The following C8A variants were observed in gnomAD, a reference collection of about 807,000 sequenced individuals.
C8A encodes the protein complement C8 alpha chain.
Under a neutral mutation model 65.3 loss-of-function variants are expected in C8A, and 67 were observed. That is an observed-to-expected ratio of 1.03 (90% confidence interval 0.84 to 1.26). The LOEUF (loss-of-function observed/expected upper bound fraction) is 1.26, where lower values mean the gene tolerates loss of function less well. C8A is among the 50% of genes most tolerant of loss of function. The pLI, the probability that C8A is intolerant of heterozygous loss-of-function variation, is 0.00. For synonymous variants in C8A, 290 were observed against 259.4 expected, an observed-to-expected ratio of 1.12 and a Z score of -1.13; for missense variants, 781 against 723.9, an observed-to-expected ratio of 1.08 and a Z score of -0.90.
chr1:56,869,704 A>T (rs1056979167), intron 2 of C8A, among the ~76,000 whole-genome samples: 1 of 152,124 alleles, frequency 6.6e-6, no homozygotes, highest in Non-Finnish European at 1.5e-5. Context: ...AATTATGGCC[A>T]TTCTTTCAGG....
At chr1:56,899,364 C>T (rs192047313) in intron 7 of C8A, among the ~76,000 whole-genome samples, 50 of 152,296 alleles carry the variant, frequency 3.3e-4, no homozygotes, top group African/African-American at 1.2e-3. Context: ...TCTTTGGACA[C>T]AGGCCTTGGT....
At chr1:56,908,761 G>A (rs1644485606) in intron 9 of C8A, among the ~76,000 whole-genome samples, 1 of 152,126 alleles carries the variant, frequency 6.6e-6, no homozygotes, top group African/African-American at 2.4e-5. Flanking sequence ...AAAATCAAGT[G>A]AAAATATTTG....
intron 2 of C8A, among the ~76,000 whole-genome samples, chr1:56,869,885 C>A (rs1480305162): frequency 6.6e-6 from 1 of 152,178 alleles, no homozygotes; most frequent in Non-Finnish European, 1.5e-5. Flanking sequence ...TCCAGACCCA[C>A]CACTCAGTTA....
intron 1 of C8A, among the ~76,000 whole-genome samples, chr1:56,857,273 C>T (rs1643986008): frequency 6.7e-6 from 1 of 150,348 alleles, no homozygotes. Context: ...TCAGTTTTTG[C>T]TCCATGTATT....
In C8A at chr1:56,876,097, G is replaced by A. The variant is rs1189345349; in HGVS notation, c.352G>A (p.Asp118Asn). Residue 118 changes from aspartate to asparagine, a missense_variant, in exon 4 of 11, where the codon GAC becomes AAC. Transcript: ENST00000361249. The part of the protein sequence containing the change: ...CLKRHLVCNG[D>N]QDCLDGSDED... ...GAAACGCCACCTTGTGTGTAATGGA[G>A]ACCAGGACTGCCTTGATGGCTCTGA... 6.2e-7 allele frequency: 1 copy of A among 1,613,718 alleles called. No individual in the cohort carries two copies. Among genetic ancestry groups the A allele is most frequent in the East Asian group, 2.2e-5 (1 of 44,816 alleles).
intron 2 of C8A, among the ~76,000 whole-genome samples, chr1:56,874,190 C>G (rs1272809854): frequency 6.6e-6 from 1 of 152,074 alleles, no homozygotes; most frequent in African/African-American, 2.4e-5. Context: ...AAAGAAAATC[C>G]CCAGAGAGAA....
chr1:56,868,145 A>G (rs1399403500), intron 2 of C8A, among the ~76,000 whole-genome samples: 3 of 152,008 alleles, frequency 2.0e-5, no homozygotes, highest in Admixed American at 1.3e-4. Flanking sequence ...AACACACCCA[A>G]TGAAGAGAGG....
In C8A at chr1:56,867,197, A is replaced by G. The variant is rs115698647; in HGVS notation, c.78-412A>G. ...TTTTTAATGTAGTTTTATAGATGGGAAAGCTGTAGTTCAGAGATATTAAGT... is the reference window on the plus strand; with the variant it reads ...TTTTTAATGTAGTTTTATAGATGGGGAAGCTGTAGTTCAGAGATATTAAGT... On this transcript the variant is annotated intron_variant, in intron 1 of 10. Transcript: ENST00000361249. Among the ~76,000 whole-genome samples, 1,360 of 152,260 alleles carry G rather than the reference A, an allele frequency of 8.9e-3. 52 individuals are homozygous for G. The South Asian group carries it at 0.12, about 13-fold the overall frequency.
chr1:56,855,049 T>A, intron 1 of C8A, 71 bp downstream of exon 1: 4 of 1,127,748 alleles, frequency 3.5e-6, no homozygotes, highest in Non-Finnish European at 5.4e-6. Context: ...GACACTTTTA[T>A]GTTTGCAGCA....
chr1:56,872,701 T>C (rs773548073), intron 2 of C8A, among the ~76,000 whole-genome samples: 1 of 152,122 alleles, frequency 6.6e-6, no homozygotes, highest in East Asian at 1.9e-4. Context: ...ATAAACATAG[T>C]ATGTTTAGGA....
intron 4 of C8A, among the ~76,000 whole-genome samples, chr1:56,880,334 G>C (rs777868960): frequency 6.6e-6 from 1 of 152,148 alleles, no homozygotes; most frequent in African/African-American, 2.4e-5. Flanking sequence ...TTCTGGAAGA[G>C]TGTTGGGCTA....
At chr1:56,902,326 C>G (rs1334706747) in intron 7 of C8A, among the ~76,000 whole-genome samples, 2 of 152,228 alleles carry the variant, frequency 1.3e-5, no homozygotes, top group African/African-American at 4.8e-5. Context: ...TTCCTCAAGA[C>G]AACTCTCTGG....
chr1:56,857,653 A>G (rs1485770480), intron 1 of C8A, among the ~76,000 whole-genome samples: 1 of 151,944 alleles, frequency 6.6e-6, no homozygotes, highest in Non-Finnish European at 1.5e-5. Context: ...CTTGGGTTTG[A>G]GTTCACCATT....
At chr1:56,860,937 A>G (rs563765140) in intron 1 of C8A, among the ~76,000 whole-genome samples, 1 of 152,234 alleles carries the variant, frequency 6.6e-6, no homozygotes, top group Non-Finnish European at 1.5e-5. Context: ...GAAAGTTCTC[A>G]TGAAGAAAAA....
chr1:56,914,522 C>T (rs1015198093), intron 10 of C8A, among the ~76,000 whole-genome samples: 1 of 152,146 alleles, frequency 6.6e-6, no homozygotes, highest in African/African-American at 2.4e-5. Flanking sequence ...ATACCAATTT[C>T]TTTAGGATTC....
chr1:56,880,196 A>T (rs1046749055), intron 4 of C8A, among the ~76,000 whole-genome samples: 3 of 152,124 alleles, frequency 2.0e-5, no homozygotes, highest in Non-Finnish European at 2.9e-5. Context: ...CTTTTTAGAA[A>T]ATTAAAGCTG....
At chr1:56,871,618 T>G (rs556006670) in intron 2 of C8A, among the ~76,000 whole-genome samples, 82 of 152,318 alleles carry the variant, frequency 5.4e-4, no homozygotes, top group Middle Eastern at 6.8e-3. Context: ...GTGGCAGAGC[T>G]GGAATTCTAA....
chr1:56,904,737 G>A lies in C8A; in HGVS notation c.1097-1930G>A, dbSNP rs565705514. 4.6e-5 allele frequency among the ~76,000 whole-genome samples: 7 copies of A among 152,280 alleles called. No homozygotes were observed. In the South Asian group the frequency reaches 1.2e-3, roughly 27 times the overall value. On this transcript the variant is annotated intron_variant, in intron 7 of 10. Transcript: ENST00000361249. ...GAGCTAAGTGTCTAAGAGTGCTTGG[G>A]CTCTCAGGTTCTATGATTCTTTGTA...
chr1:56,906,650 C>T lies in C8A; in HGVS notation c.1097-17C>T, dbSNP rs1031099709. 5 of 1,613,970 alleles carry T rather than the reference C, an allele frequency of 3.1e-6. No individual in the cohort carries two copies. Among genetic ancestry groups the T allele is most frequent in the South Asian group, 1.1e-5 (1 of 91,074 alleles). On this transcript the variant is annotated splice_polypyrimidine_tract_variant and intron_variant, in intron 7 of 10. Coordinates refer to ENST00000361249, the MANE Select transcript of C8A (RefSeq NM_000562.3). ...TAATAACTCAGCATTTTGTGTTTCT[C>T]TGTCTCCCTGTTGCAGGTATTACCA...
Sources: gnomAD v4.1 joint callset for allele counts (sites outside exome capture counted in the v4.1 genomes callset) on GRCh38, gnomAD v4.1.1 for gene constraint, MANE v1.5 for transcripts, NCBI Gene and HGNC (gene_info 2026-07-23, HGNC 2026-07-21) for gene names.